Variants in SLC25A13 observed in about 807,000 individuals in gnomAD.
SLC25A13 encodes electrogenic aspartate/glutamate antiporter SLC25A13, mitochondrial.
SLC25A13 carries 70 observed loss-of-function variants against 85.5 expected under a neutral mutation model. That is an observed-to-expected ratio of 0.82 (90% CI 0.68 to 1.00). SLC25A13 has a LOEUF of 1.00. Among genes scored for constraint, SLC25A13 ranks in the 50% least tolerant of loss-of-function variants. SLC25A13 has a pLI of 0.00. For missense variants in SLC25A13, 765 were observed against 819.8 expected (o/e 0.93, Z 0.82); for synonymous variants, 259 against 288.7 (o/e 0.90, Z 1.04).
intron 1 of SLC25A13, among the ~76,000 whole-genome samples, chr7:96,301,637 T>G (rs78763906): frequency 0.012 from 1,871 of 151,826 alleles, 41 homozygotes; most frequent in African/African-American, 0.04. Flanking sequence ...GTTTTGTTTT[T>G]TTTTTTTTTA....
chr7:96,123,684 T>C (rs887302855), intron 15 of SLC25A13, among the ~76,000 whole-genome samples: 5 of 152,160 alleles, frequency 3.3e-5, no homozygotes, highest in African/African-American at 1.2e-4. Flanking sequence ...TGGTAAGGCC[T>C]AAAAGGAATT....
intron 4 of SLC25A13, among the ~76,000 whole-genome samples, chr7:96,223,640 T>C (rs1256580932): frequency 6.6e-6 from 1 of 152,022 alleles, no homozygotes; most frequent in African/African-American, 2.4e-5. Context: ...ATACAAAAAT[T>C]AGCTGGGCGT....
intron 4 of SLC25A13, among the ~76,000 whole-genome samples, chr7:96,232,917 C>T (rs1796608409): frequency 6.6e-6 from 1 of 152,200 alleles, no homozygotes; most frequent in African/African-American, 2.4e-5. Flanking sequence ...AAAGACAGCT[C>T]TTGTTTCCTA....
rs1426794875 is a variant in SLC25A13 at position 96,227,460 on chromosome 7, A to G, written c.328+7342T>C. Among the ~76,000 whole-genome samples the G allele has an allele frequency of 3.9e-5, 6 of 152,328 alleles. No individual in the cohort carries two copies. In the East Asian group the frequency reaches 9.6e-4, roughly 24 times the overall value. ...AATGACTTACTCTAAAATTGTTTTG[A>G]TAGTGAATAGGGCCAAGAATAGCCG... is the stretch of plus-strand genomic sequence containing the variant. On this transcript the variant is annotated intron_variant, in intron 4 of 17. Coordinates refer to ENST00000265631, the MANE Select transcript of SLC25A13 (RefSeq NM_014251.3).
chr7:96,219,674 T>A lies in SLC25A13; in HGVS notation c.329-10697A>T, dbSNP rs369804713. 3 of 534,456 alleles carry A rather than the reference T, an allele frequency of 5.6e-6. No individual in the cohort carries two copies. In the African/African-American group the frequency reaches 5.8e-5, roughly 10 times the overall value. The allele number at this position is 534,456 out of a possible 1,614,324, so 33.1% of individuals were successfully genotyped here. A position where few individuals can be genotyped will look rare whatever the true frequency, so the allele number is the denominator to read the frequency against. On this transcript the variant is annotated intron_variant, in intron 4 of 17. Transcript: ENST00000265631. Reference sequence around the variant, plus strand: ...ACCCAAAAATTATGAATCAGTAGATTTGAGACAGAGCCAGGGAGTCCACAG... The same window carrying A: ...ACCCAAAAATTATGAATCAGTAGATATGAGACAGAGCCAGGGAGTCCACAG...
intron 3 of SLC25A13, among the ~76,000 whole-genome samples, chr7:96,238,984 T>G (rs368379618): frequency 1.4e-5 from 2 of 147,740 alleles, no homozygotes; most frequent in South Asian, 2.1e-4. Context: ...ATGCAAAGCT[T>G]ATAATATATA....
intron 9 of SLC25A13, among the ~76,000 whole-genome samples, chr7:96,188,414 T>C (rs1289347807): frequency 1.3e-5 from 2 of 152,320 alleles, no homozygotes; most frequent in East Asian, 3.9e-4. Flanking sequence ...CTGACAGTCC[T>C]AAAAGTGTAG....
intron 4 of SLC25A13, among the ~76,000 whole-genome samples, chr7:96,209,353 T>TACACACACCC (rs1554354164): frequency 6.9e-6 from 1 of 145,444 alleles, no homozygotes; most frequent in Non-Finnish European, 1.5e-5. Flanking sequence ...GGAAAACACA[T>TACACACACCC]ACACACACAC....
rs56377235 is a variant in SLC25A13 at position 96,164,711 on chromosome 7, T to TACACACACACACACACACACAC, written c.1311+5312_1311+5333dup. Reference sequence around the variant, plus strand: ...CTATGATTTTCAAAAGGATTAACTTTACACACACACACACACACACACACA... The same window carrying TACACACACACACACACACACAC: ...CTATGATTTTCAAAAGGATTAACTTTACACACACACACACACACACACACACACACACACACACACACACACA... On this transcript the variant is annotated intron_variant, in intron 13 of 17. Transcript: ENST00000265631. 3.8e-3 allele frequency among the ~76,000 whole-genome samples: 547 copies of TACACACACACACACACACACAC among 143,122 alleles called. 2 individuals carry two copies. Among genetic ancestry groups the TACACACACACACACACACACAC allele is most frequent in the Middle Eastern group, 0.014 (4 of 278 alleles). The allele number at this position is 143,122 out of a possible 152,430, so 93.9% of individuals were successfully genotyped here.
At chr7:96,195,853 T>C (rs1795039395) in intron 5 of SLC25A13, among the ~76,000 whole-genome samples, 1 of 152,246 alleles carries the variant, frequency 6.6e-6, no homozygotes, top group Admixed American at 6.5e-5. Context: ...AAATAACTGA[T>C]GTCCCTTCCG....
At chr7:96,198,151 A>G (rs901664948) in intron 5 of SLC25A13, among the ~76,000 whole-genome samples, 10 of 152,316 alleles carry the variant, frequency 6.6e-5, no homozygotes, top group African/African-American at 2.4e-4. Context: ...GTAGAGCGTA[A>G]ACAGAAGTCA....
At chr7:96,131,482 G>T (rs974777664) in intron 15 of SLC25A13, among the ~76,000 whole-genome samples, 12 of 152,130 alleles carry the variant, frequency 7.9e-5, no homozygotes, top group Non-Finnish European at 1.5e-4. Flanking sequence ...ACTTGAATTG[G>T]AGTTCCACAA....
chr7:96,288,591 G>C (rs570756794), intron 2 of SLC25A13, among the ~76,000 whole-genome samples: 4 of 152,176 alleles, frequency 2.6e-5, no homozygotes, highest in African/African-American at 9.7e-5. Context: ...CTTTTCCAAC[G>C]GTCTTAGCAA....
intron 14 of SLC25A13, among the ~76,000 whole-genome samples, chr7:96,145,469 G>A (rs1364121597): frequency 6.6e-6 from 1 of 152,130 alleles, no homozygotes; most frequent in Non-Finnish European, 1.5e-5. Flanking sequence ...TGTGTCAAAT[G>A]TCAAAACAAG....
At chr7:96,146,207 A>T (rs1215852701) in intron 14 of SLC25A13, among the ~76,000 whole-genome samples, 1 of 152,212 alleles carries the variant, frequency 6.6e-6, no homozygotes, top group Admixed American at 6.5e-5. Context: ...AGGATCAGAA[A>T]ATAAATTATG....
intron 9 of SLC25A13, among the ~76,000 whole-genome samples, chr7:96,187,145 T>C (rs1218957180): frequency 1.3e-5 from 2 of 152,240 alleles, no homozygotes; most frequent in African/African-American, 2.4e-5. Flanking sequence ...AGTAATTTTA[T>C]GTCACAGAGA....
chr7:96,179,259 T>C lies in SLC25A13; in HGVS notation c.1177+5018A>G, dbSNP rs534529618. Among the ~76,000 whole-genome samples, 16 of 152,362 alleles carry C rather than the reference T, an allele frequency of 1.1e-4. 1 individual carries two copies. The highest frequency in any genetic ancestry group is 2.9e-4 in the African/African-American group (12 of 41,586). On this transcript the variant is annotated intron_variant, in intron 11 of 17. Coordinates refer to ENST00000265631, the MANE Select transcript of SLC25A13 (RefSeq NM_014251.3). ...TGGTTATCTTTTCTTCTATCTAAAC[T>C]ATTTCCCTCCTACTGAGGTTTAATC...
intron 11 of SLC25A13, 124 bp from the exon 12 acceptor site, chr7:96,171,648 AC>A (rs1794008274): frequency 1.3e-6 from 1 of 779,638 alleles, no homozygotes; most frequent in Admixed American, 2.1e-5. Flanking sequence ...TTCTGCTATT[AC>A]CCTTAATGAG....
chr7:96,230,628 TATAAAC>T (rs1267461083), intron 4 of SLC25A13, among the ~76,000 whole-genome samples: 2 of 152,186 alleles, frequency 1.3e-5, no homozygotes, highest in African/African-American at 4.8e-5. Flanking sequence ...TCAAGATACT[TATAAAC>T]AGAAGTAAGG....
Sources: allele counts gnomAD v4.1 joint callset (sites outside exome capture counted in the v4.1 genomes callset), GRCh38; gene constraint gnomAD v4.1.1; transcripts MANE v1.5; gene names NCBI Gene and HGNC (gene_info 2026-07-23, HGNC 2026-07-21).